Variants in DIS3L2 observed in about 807,000 individuals in gnomAD.
DIS3L2 encodes the protein DIS3 like 3'-5' exoribonuclease 2, also known as DIS3-like exonuclease 2.
A neutral mutation model predicts 97.5 loss-of-function variants in DIS3L2; 34 were observed. That is an observed-to-expected ratio of 0.35 (90% CI 0.27 to 0.46). The LOEUF (loss-of-function observed/expected upper bound fraction) is 0.46, where lower values mean the gene tolerates loss of function less well. DIS3L2 is among the 20% of genes least tolerant of loss of function. The pLI is 1.00. For missense variants in DIS3L2, 1,038 were observed against 1,146.0 expected (o/e 0.91, Z 1.36); for synonymous variants, 435 against 445.2 (o/e 0.98, Z 0.29).
chr2:232,318,283 C>T (rs924372693), intron 14 of DIS3L2, among the ~76,000 whole-genome samples: 1 of 152,230 alleles, frequency 6.6e-6, no homozygotes, highest in Non-Finnish European at 1.5e-5. Context: ...TAGAAAACGA[C>T]CCCTAGGAAA....
chr2:232,134,070 G>T (rs779269639), intron 7 of DIS3L2, among the ~76,000 whole-genome samples: 4 of 150,560 alleles, frequency 2.7e-5, no homozygotes, highest in African/African-American at 4.9e-5. Context: ...AACACTATTG[G>T]ATAGGCTCAG....
At chr2:232,030,182 T>A in intron 5 of DIS3L2, 102 bp downstream of exon 5, 1 of 941,744 alleles carries the variant, frequency 1.1e-6, no homozygotes, top group Non-Finnish European at 1.6e-6. Context: ...ACAGACCCCT[T>A]AGGCGCTGTG....
At chr2:232,018,637 C>T (rs1268019087) in intron 3 of DIS3L2, among the ~76,000 whole-genome samples, 1 of 152,032 alleles carries the variant, frequency 6.6e-6, no homozygotes, top group African/African-American at 2.4e-5. Context: ...TATTCAAACT[C>T]ATCTCTTTTG....
chr2:232,153,748 G>C (rs1241972365), intron 8 of DIS3L2, among the ~76,000 whole-genome samples: 4 of 150,186 alleles, frequency 2.7e-5, no homozygotes, highest in African/African-American at 9.9e-5. Flanking sequence ...ACGTTGGCTT[G>C]CCTTGCTAGA....
In DIS3L2 at chr2:232,293,903, A is replaced by G. The variant is rs893569267; in HGVS notation, c.1660-6137A>G. On this transcript the variant is annotated intron_variant, in intron 13 of 20. Coordinates refer to ENST00000325385, the MANE Select transcript of DIS3L2 (RefSeq NM_152383.5). This position sits in a 1 kb window ranked among gnomAD's most constrained non-coding sequence, Gnocchi z 4.6. ...GGAGAACATAGCCAAGGGAGTAGGA[A>G]GATACATTGTGTGTCAGTGTCCTTA... is the stretch of plus-strand genomic sequence containing the variant. 6.6e-6 allele frequency among the ~76,000 whole-genome samples: 1 copy of G among 152,236 alleles called. No individual in the cohort carries two copies. Among genetic ancestry groups the G allele is most frequent in the Non-Finnish European group, 1.5e-5 (1 of 68,046 alleles).
At chr2:232,174,545 C>G (rs1691091945) in intron 9 of DIS3L2, among the ~76,000 whole-genome samples, 1 of 143,304 alleles carries the variant, frequency 7.0e-6, no homozygotes, top group African/African-American at 2.6e-5. Flanking sequence ...GAGATCACGC[C>G]ACTGCACTCC....
intron 9 of DIS3L2, among the ~76,000 whole-genome samples, chr2:232,183,022 A>G (rs1407427473): frequency 6.6e-6 from 1 of 152,174 alleles, no homozygotes; most frequent in African/African-American, 2.4e-5. Flanking sequence ...ATAGTTTAGG[A>G]AGGCAGTTAA....
At chr2:232,247,613 C>T (rs1257486470) in intron 11 of DIS3L2, among the ~76,000 whole-genome samples, 4 of 12,388 alleles carry the variant, frequency 3.2e-4, no homozygotes, top group African/African-American at 1.2e-3. Flanking sequence ...CATATAACTG[C>T]CGCGGGGGGG....
At chr2:232,290,246 C>T (rs1574997348) in intron 13 of DIS3L2, among the ~76,000 whole-genome samples, 1 of 152,256 alleles carries the variant, frequency 6.6e-6, no homozygotes, top group Non-Finnish European at 1.5e-5. Flanking sequence ...CAGACTTGCT[C>T]ATCATGCTTT....
At chr2:232,054,978 C>T (rs563097691) in intron 5 of DIS3L2, among the ~76,000 whole-genome samples, 2 of 152,252 alleles carry the variant, frequency 1.3e-5, no homozygotes, top group South Asian at 2.1e-4. Flanking sequence ...TAAGGTAATT[C>T]ATCACGTTAC....
intron 1 of DIS3L2, among the ~76,000 whole-genome samples, chr2:231,991,150 G>A (rs1466252567): frequency 1.3e-5 from 2 of 150,304 alleles, no homozygotes; most frequent in South Asian, 2.1e-4. Flanking sequence ...CAAGTGATCC[G>A]CCTGTCTCGG....
intron 5 of DIS3L2, among the ~76,000 whole-genome samples, chr2:232,072,999 G>A (rs1265397672): frequency 3.3e-5 from 5 of 152,234 alleles, no homozygotes; most frequent in East Asian, 1.9e-4. Flanking sequence ...CTAAGCAAAC[G>A]AAGTTCCCAA....
chr2:232,234,802 A>G (rs1461258360), intron 10 of DIS3L2, among the ~76,000 whole-genome samples: 2 of 152,174 alleles, frequency 1.3e-5, no homozygotes, highest in African/African-American at 4.8e-5. Flanking sequence ...CCTTAAATGG[A>G]TGGGTCCCCA....
intron 4 of DIS3L2, among the ~76,000 whole-genome samples, chr2:232,029,493 G>C (rs1010671285): frequency 3.3e-5 from 5 of 152,070 alleles, no homozygotes; most frequent in African/African-American, 7.2e-5. Context: ...TCTGTATCTT[G>C]TGTTCATTGT....
intron 1 of DIS3L2, among the ~76,000 whole-genome samples, chr2:231,966,126 C>T (rs1324975037): frequency 1.3e-5 from 2 of 151,466 alleles, no homozygotes; most frequent in Non-Finnish European, 2.9e-5. Context: ...ACCATTTTTG[C>T]TGATGTCAGG....
intron 13 of DIS3L2, among the ~76,000 whole-genome samples, chr2:232,279,908 G>A (rs1217967320): frequency 6.6e-6 from 1 of 152,062 alleles, no homozygotes; most frequent in African/African-American, 2.4e-5. Flanking sequence ...CCTAGTCTTT[G>A]GCTTGTCATT....
chr2:232,271,830 A>C (rs1410155065), intron 13 of DIS3L2, among the ~76,000 whole-genome samples: 2 of 151,958 alleles, frequency 1.3e-5, no homozygotes, highest in Non-Finnish European at 2.9e-5. Flanking sequence ...GGGTGTTGGA[A>C]TCTCCCCTTT....
Position 232,334,003 on chromosome 2 carries a change from G to C in DIS3L2, c.2158+16G>C. The C allele has an allele frequency of 6.2e-7, 1 of 1,602,832 alleles. No homozygotes were observed. Among genetic ancestry groups the C allele is most frequent in the Non-Finnish European group, 8.5e-7 (1 of 1,175,220 alleles). ...GCCGCGTTAGGTGAGGGGTGCAGTC[G>C]GGGTCAGGGCAGACCTGGGCCAGCT... On this transcript the variant is annotated intron_variant, in intron 17 of 20. Transcript: ENST00000325385.
At chr2:232,094,833 C>T (rs190429590) in intron 6 of DIS3L2, among the ~76,000 whole-genome samples, 28 of 151,966 alleles carry the variant, frequency 1.8e-4, no homozygotes, top group Admixed American at 1.1e-3. Context: ...CTGGGCACTC[C>T]GGTGTTGGGT....
Sources: allele counts gnomAD v4.1 joint callset (sites outside exome capture counted in the v4.1 genomes callset), GRCh38; gene constraint gnomAD v4.1.1; non-coding constraint Gnocchi (gnomAD v3.1); transcripts MANE v1.5; gene names NCBI Gene and HGNC (gene_info 2026-07-23, HGNC 2026-07-21).